The following LRGUK variants were observed in gnomAD, a reference collection of about 807,000 sequenced individuals.
The protein encoded by LRGUK is leucine rich repeats and guanylate kinase domain containing.
Under a neutral mutation model 76.0 loss-of-function variants are expected in LRGUK, and 65 were observed. The ratio of observed to expected loss-of-function variants is 0.85; its 90% CI spans 0.70 to 1.05. The LOEUF (loss-of-function observed/expected upper bound fraction) is 1.05. Among genes scored for constraint, LRGUK ranks in the 50% least tolerant of loss-of-function variants. LRGUK has a pLI of 0.00. For missense variants in LRGUK, 758 were observed against 732.8 expected, an observed-to-expected ratio of 1.03 and a Z score of -0.40; for synonymous variants, 268 against 265.6, an observed-to-expected ratio of 1.01 and a Z score of -0.09.
At chr7:134,149,056 T>G (rs888391714) in intron 5 of LRGUK, among the ~76,000 whole-genome samples, 1 of 151,964 alleles carries the variant, frequency 6.6e-6, no homozygotes, top group African/African-American at 2.4e-5. Flanking sequence ...CATGATAAGT[T>G]CTTTTTAAAT....
At chr7:134,268,539 G>A (rs1284937990), downstream of LRGUK, among the ~76,000 whole-genome samples, 2 of 151,858 alleles carry the variant, frequency 1.3e-5, no homozygotes, top group Admixed American at 1.3e-4. Flanking sequence ...TGCTTTCACT[G>A]AAGAACCAAT....
intron 3 of LRGUK, 57 bp from the exon 4 acceptor site, chr7:134,143,005 G>A: frequency 1.1e-6 from 1 of 896,388 alleles, no homozygotes; most frequent in Non-Finnish European, 1.9e-6. Context: ...TGTTTTTAAT[G>A]CCTTTGTCTT....
chr7:134,174,107 CAA>C (rs112357506), intron 7 of LRGUK, among the ~76,000 whole-genome samples: 19 of 80,586 alleles, frequency 2.4e-4, no homozygotes, highest in Non-Finnish European at 3.1e-4. Flanking sequence ...GACTCCATCG[CAA>C]AAAAAAAAAA....
intron 16 of LRGUK, among the ~76,000 whole-genome samples, chr7:134,243,442 C>G (rs1046233863): frequency 6.6e-6 from 1 of 152,104 alleles, no homozygotes; most frequent in Non-Finnish European, 1.5e-5. Context: ...GAGTGAACTC[C>G]CATTCGCAAT....
intron 16 of LRGUK, among the ~76,000 whole-genome samples, chr7:134,226,641 T>C (rs1801771376): frequency 6.6e-6 from 1 of 152,218 alleles, no homozygotes; most frequent in South Asian, 2.1e-4. Flanking sequence ...TTTTGAATAA[T>C]GTGACAGCCT....
intron 7 of LRGUK, among the ~76,000 whole-genome samples, chr7:134,167,811 A>G (rs894850705): frequency 1.3e-5 from 2 of 152,160 alleles, no homozygotes; most frequent in Non-Finnish European, 2.9e-5. Context: ...GCCTCTGGCA[A>G]ACTCTCATGA....
intron 18 of LRGUK, among the ~76,000 whole-genome samples, chr7:134,253,600 A>C (rs1802498825): frequency 6.6e-6 from 1 of 152,152 alleles, no homozygotes; most frequent in East Asian, 1.9e-4. Flanking sequence ...AGATCACTTG[A>C]GGTCAGGAGT....
At chr7:134,232,090 G>T (rs2117176364) in intron 16 of LRGUK, among the ~76,000 whole-genome samples, 1 of 152,172 alleles carries the variant, frequency 6.6e-6, no homozygotes, top group African/African-American at 2.4e-5. Flanking sequence ...AACAATATGG[G>T]CCTGGTCCCT....
intron 18 of LRGUK, among the ~76,000 whole-genome samples, chr7:134,250,817 A>G (rs1376372377): frequency 6.6e-6 from 1 of 152,210 alleles, no homozygotes; most frequent in African/African-American, 2.4e-5. Context: ...AAGAGAAAAC[A>G]AAATGGCCTA....
At chr7:134,156,224 G>C (rs1798451470) in intron 5 of LRGUK, among the ~76,000 whole-genome samples, 1 of 152,156 alleles carries the variant, frequency 6.6e-6, no homozygotes, top group Non-Finnish European at 1.5e-5. Flanking sequence ...TAGCCACTTA[G>C]ATTCACTCTT....
rs1036082877 is a variant in LRGUK, at chr7:134,251,013, A to G, written c.2198+1937A>G. ...AAAGGAAAAATAATTGTTGAAAGAC[A>G]GAACTTGCTCTGTGATGCCTTTTTT... On this transcript the variant is annotated intron_variant, in intron 18 of 19. Transcript: ENST00000285928. Among the ~76,000 whole-genome samples, 9 of 152,216 alleles carry G rather than the reference A, an allele frequency of 5.9e-5. No individual in the cohort carries two copies. The East Asian group carries it at 7.7e-4, about 13-fold the overall frequency.
intron 4 of LRGUK, among the ~76,000 whole-genome samples, chr7:134,144,255 C>T (rs1291402353): frequency 6.6e-6 from 1 of 152,220 alleles, no homozygotes; most frequent in Admixed American, 6.5e-5. Flanking sequence ...CCTCTCACCT[C>T]AGCCTGAGTA....
At chr7:134,197,834 A>G (rs775876315) in intron 13 of LRGUK, among the ~76,000 whole-genome samples, 1 of 152,172 alleles carries the variant, frequency 6.6e-6, no homozygotes, top group Non-Finnish European at 1.5e-5. Flanking sequence ...ATATAGCTTT[A>G]TTACATACTT....
exon 20 of LRGUK, chr7:134,264,097 C>A: frequency 1.1e-6 from 1 of 931,086 alleles, no homozygotes; most frequent in Non-Finnish European, 1.5e-6. Context: ...GAAGAATGTT[C>A]TACCTGCCTT....
intron 16 of LRGUK, among the ~76,000 whole-genome samples, chr7:134,238,135 A>G (rs1802057050): frequency 1.3e-5 from 2 of 152,200 alleles, no homozygotes; most frequent in Admixed American, 1.3e-4. Context: ...GTTCTCAAGT[A>G]TGTACATACT....
At chr7:134,234,781 T>G (rs1485750179) in intron 16 of LRGUK, among the ~76,000 whole-genome samples, 1 of 152,032 alleles carries the variant, frequency 6.6e-6, no homozygotes, top group Non-Finnish European at 1.5e-5. Context: ...CCTTTTTCCT[T>G]TTCTTCCTTT....
At chr7:134,273,384 C>T in the LRGUK span, among the ~76,000 whole-genome samples, 1 of 152,196 alleles carries the variant, frequency 6.6e-6, no homozygotes, top group African/African-American at 2.4e-5. Flanking sequence ...GGTTATGCCT[C>T]TGAAGTAATT....
chr7:134,213,183 G>C (rs1801341510), downstream of LRGUK, among the ~76,000 whole-genome samples: 1 of 152,174 alleles, frequency 6.6e-6, no homozygotes, highest in South Asian at 2.1e-4. Context: ...TGCTTTTTGT[G>C]CTACACCGAA....
chr7:134,140,254 G>A (rs1044676876), intron 3 of LRGUK, among the ~76,000 whole-genome samples: 6 of 152,210 alleles, frequency 3.9e-5, no homozygotes, highest in Non-Finnish European at 1.5e-5. Context: ...ACAGGTGTGA[G>A]CCACTGTGCC....
Sources: gnomAD v4.1 joint callset for allele counts (sites outside exome capture counted in the v4.1 genomes callset) on GRCh38, gnomAD v4.1.1 for gene constraint, MANE v1.5 for transcripts, NCBI Gene and HGNC (gene_info 2026-07-23, HGNC 2026-07-21) for gene names.